Variants in DENND1A observed in about 807,000 individuals in gnomAD.
DENND1A encodes the protein DENN domain-containing protein 1A.
Under a neutral mutation model 113.7 loss-of-function variants are expected in DENND1A, and 51 were observed. The observed-to-expected ratio is 0.45, with a 90% CI of 0.36 to 0.57. DENND1A has a LOEUF of 0.57. Ranked by LOEUF, DENND1A falls within the 20% of genes least tolerant of loss-of-function variation. The probability of loss-of-function intolerance (pLI) is 0.00; values close to 1 mark genes in which losing one functional copy is unlikely to be tolerated. For synonymous variants in DENND1A, 565 were observed against 570.8 expected (o/e 0.99, Z 0.14); for missense variants, 1,258 against 1,395.9 (o/e 0.90, Z 1.57).
chr9:123,381,678 G>T lies in DENND1A; in HGVS notation c.2967C>A (p.Arg989=). 1 of 1,590,836 alleles carries T rather than the reference G, an allele frequency of 6.3e-7. No homozygotes were observed. The highest frequency in any genetic ancestry group is 8.6e-7 in the Non-Finnish European group (1 of 1,168,696). The change falls in exon 24 of 24, where the codon CGC becomes CGA. Residue 989 remains arginine (R), a synonymous_variant. Coordinates refer to ENST00000394215, the MANE Select transcript of DENND1A (RefSeq NM_001352964.2). The surrounding 1 kb of genome is among the most constrained non-coding windows in gnomAD (Gnocchi z 4.7). ...TGGTCTCAGCAGCCCTGGCACTTGA[G>T]CGGGCCAGGGGCAACGTTCGGATCC... ...PSRIRTLPLA[R]SSARAAETKQ...
chr9:123,499,272 G>A lies in DENND1A; in HGVS notation c.994-41375C>T, dbSNP rs537752324. Among the ~76,000 whole-genome samples the A allele has an allele frequency of 5.3e-5, 8 of 152,244 alleles. No individual in the cohort carries two copies. In the South Asian group the frequency reaches 1.2e-3, roughly 24 times the overall value. The stretch of plus-strand genomic sequence containing the variant: ...TGGTCTTGAACTCCTGACCTCAGGC[G>A]ATCCACCCGCCTCGGCCTCCCAAAG... On this transcript the variant is annotated intron_variant, in intron 13 of 23. Transcript: ENST00000394215.
chr9:123,855,086 C>A (rs1344107795), intron 2 of DENND1A, among the ~76,000 whole-genome samples: 2 of 151,206 alleles, frequency 1.3e-5, no homozygotes. Flanking sequence ...ATTTCAAAAG[C>A]CTCACAAACA....
chr9:123,674,342 TCACACACACACACACACACA>T (rs546398875), intron 6 of DENND1A, among the ~76,000 whole-genome samples: 5,051 of 132,368 alleles, frequency 0.038, 341 homozygotes, highest in African/African-American at 0.14. Flanking sequence ...TGTCTCTCTC[TCACACACACACACACACACA>T]CACACACACA....
chr9:123,518,109 A>C (rs2054091085), intron 13 of DENND1A, among the ~76,000 whole-genome samples: 1 of 152,198 alleles, frequency 6.6e-6, no homozygotes, highest in Non-Finnish European at 1.5e-5. Flanking sequence ...AGTAGCCCTG[A>C]GCGGCATTAG....
At chr9:123,623,883 G>A (rs996773448) in intron 10 of DENND1A, among the ~76,000 whole-genome samples, 1 of 152,152 alleles carries the variant, frequency 6.6e-6, no homozygotes, top group African/African-American at 2.4e-5. Context: ...CATTTAACAT[G>A]TCTTTGTCCA....
chr9:123,752,118 G>A (rs1589937454), intron 5 of DENND1A, among the ~76,000 whole-genome samples: 1 of 150,938 alleles, frequency 6.6e-6, no homozygotes, highest in Non-Finnish European at 1.5e-5. Flanking sequence ...TAAATGACAA[G>A]AAATACTTTT....
rs148009022 is a variant in DENND1A, at chr9:123,729,072, A to G, written c.302+28631T>C. 4.4e-3 allele frequency among the ~76,000 whole-genome samples: 675 copies of G among 152,284 alleles called. 3 individuals carry two copies. Among genetic ancestry groups the G allele is most frequent in the South Asian group, 7.5e-3 (36 of 4,826 alleles). On this transcript the variant is annotated intron_variant, in intron 5 of 23. Transcript: ENST00000394215. ...CCTTCAACAAATTCAACCCCCCTAC[A>G]TGCTAAAAACACTCAATAAACTAGA... is the stretch of plus-strand genomic sequence containing the variant.
chr9:123,474,835 A>G (rs1028650545), intron 13 of DENND1A, among the ~76,000 whole-genome samples: 1 of 152,196 alleles, frequency 6.6e-6, no homozygotes, highest in Admixed American at 6.5e-5. Context: ...AATGGAATAA[A>G]AAAAGGCTGA....
intron 12 of DENND1A, among the ~76,000 whole-genome samples, chr9:123,581,483 G>T (rs1178101280): frequency 2.0e-5 from 3 of 152,058 alleles, no homozygotes; most frequent in Non-Finnish European, 2.9e-5. Context: ...AACGTAGCTG[G>T]GTGTGGTGGC....
chr9:123,580,682 T>G (rs2058845452), intron 12 of DENND1A, among the ~76,000 whole-genome samples: 1 of 152,204 alleles, frequency 6.6e-6, no homozygotes, highest in South Asian at 2.1e-4. Context: ...GCTTGTCCAC[T>G]GAAAGGAAAC....
intron 3 of DENND1A, among the ~76,000 whole-genome samples, chr9:123,790,698 T>C (rs774303555): frequency 3.9e-5 from 6 of 152,148 alleles, no homozygotes; most frequent in Non-Finnish European, 8.8e-5. Flanking sequence ...CATAAGATAA[T>C]ATCTAATCAG....
At chr9:123,644,915 C>T (rs907353254) in intron 9 of DENND1A, among the ~76,000 whole-genome samples, 4 of 152,128 alleles carry the variant, frequency 2.6e-5, no homozygotes, top group African/African-American at 9.7e-5. Context: ...CCTACTTGCT[C>T]TCCATAGAGT....
intron 1 of DENND1A, among the ~76,000 whole-genome samples, chr9:123,914,496 G>A (rs1361257377): frequency 1.4e-5 from 2 of 139,198 alleles, no homozygotes; most frequent in Non-Finnish European, 3.0e-5. Flanking sequence ...AATAAGCCGA[G>A]ATCGCGCCAC....
At chr9:123,505,524 G>A (rs2052851280) in intron 13 of DENND1A, among the ~76,000 whole-genome samples, 1 of 152,082 alleles carries the variant, frequency 6.6e-6, no homozygotes, top group South Asian at 2.1e-4. Context: ...TATTTGGGGG[G>A]AAAAATGAAA....
At chr9:123,410,117 A>T (rs548827734) in intron 20 of DENND1A, among the ~76,000 whole-genome samples, 1 of 151,836 alleles carries the variant, frequency 6.6e-6, no homozygotes, top group African/African-American at 2.4e-5. Context: ...ACAAAAAAAA[A>T]CTCTTACTGT....
At chr9:123,871,513 G>A (rs1014710264) in intron 2 of DENND1A, among the ~76,000 whole-genome samples, 3 of 152,136 alleles carry the variant, frequency 2.0e-5, no homozygotes, top group African/African-American at 7.2e-5. Flanking sequence ...TTAAACTTCA[G>A]AATAACAAAT....
At chr9:123,642,571 C>T (rs953654402) in intron 9 of DENND1A, among the ~76,000 whole-genome samples, 3 of 152,158 alleles carry the variant, frequency 2.0e-5, no homozygotes, top group African/African-American at 7.2e-5. Flanking sequence ...ACACAATGTT[C>T]GATTTATTTT....
chr9:123,692,850 C>T (rs1255905271), intron 5 of DENND1A, among the ~76,000 whole-genome samples: 1 of 152,156 alleles, frequency 6.6e-6, no homozygotes, highest in Non-Finnish European at 1.5e-5. Flanking sequence ...ATGAAAATAT[C>T]TGGTACCTTA....
intron 13 of DENND1A, among the ~76,000 whole-genome samples, chr9:123,476,815 G>C (rs891594957): frequency 3.3e-5 from 5 of 152,152 alleles, no homozygotes; most frequent in African/African-American, 9.7e-5. Context: ...CTTTACAATT[G>C]GGAAACTGAG....
Sources: gnomAD v4.1 joint callset for allele counts (sites outside exome capture counted in the v4.1 genomes callset) on GRCh38, gnomAD v4.1.1 for gene constraint, Gnocchi (gnomAD v3.1) non-coding constraint, MANE v1.5 for transcripts, NCBI Gene and HGNC (gene_info 2026-07-23, HGNC 2026-07-21) for gene names.